PDE1C: variants seen among roughly 807,000 people sequenced by gnomAD.
PDE1C encodes the protein phosphodiesterase 1C.
In PDE1C, 62 loss-of-function variants were observed where a neutral mutation model predicts 93.1. That is an observed-to-expected ratio of 0.67 (90% confidence interval 0.54 to 0.82). The LOEUF (loss-of-function observed/expected upper bound fraction) is 0.82, where lower values mean the gene tolerates loss of function less well. Among genes scored for constraint, PDE1C ranks in the 40% least tolerant of loss-of-function variants. The pLI, the probability that PDE1C is intolerant of heterozygous loss-of-function variation, is 0.00. For missense variants in PDE1C, 742 were observed against 884.6 expected (o/e 0.84, Z 2.04); for synonymous variants, 325 against 310.1 (o/e 1.05, Z -0.50).
At chr7:32,382,672 C>T (rs1745969678) in intron 1 of PDE1C, among the ~76,000 whole-genome samples, 1 of 152,224 alleles carries the variant, frequency 6.6e-6, no homozygotes, top group African/African-American at 2.4e-5. Context: ...GTTCACTACC[C>T]GTTCCTAAGT....
At chr7:32,229,324 GCACAA>G (rs1399955370) in intron 1 of PDE1C, among the ~76,000 whole-genome samples, 1 of 152,176 alleles carries the variant, frequency 6.6e-6, no homozygotes, top group East Asian at 1.9e-4. Context: ...GTTGTGCACT[GCACAA>G]GTCTAGGGAG....
At chr7:31,694,368 G>GCTCT in the PDE1C span, among the ~76,000 whole-genome samples, 1 of 119,482 alleles carries the variant, frequency 8.4e-6, no homozygotes, top group South Asian at 2.7e-4. Context: ...AACAATTTTA[G>GCTCT]CTCTCTCTCT....
intron 1 of PDE1C, among the ~76,000 whole-genome samples, chr7:32,407,396 T>C (rs185020173): frequency 9.2e-5 from 14 of 152,262 alleles, no homozygotes; most frequent in African/African-American, 3.4e-4. Context: ...AAACACTGCA[T>C]GGGAGATAAC....
At chr7:31,709,353 G>A in the PDE1C span, among the ~76,000 whole-genome samples, 1 of 152,170 alleles carries the variant, frequency 6.6e-6, no homozygotes, top group Non-Finnish European at 1.5e-5. Context: ...TTCTTACTTT[G>A]CCTTGTTCAT....
the PDE1C span, among the ~76,000 whole-genome samples, chr7:31,641,747 T>C: frequency 2.1e-4 from 32 of 152,290 alleles, 1 homozygote; most frequent in Admixed American, 1.8e-3. Context: ...TAGCAAAGGG[T>C]ACTTATCCAA....
At chr7:31,698,307 T>C in the PDE1C span, among the ~76,000 whole-genome samples, 1 of 152,206 alleles carries the variant, frequency 6.6e-6, no homozygotes, top group South Asian at 2.1e-4. Context: ...CTATGCTCCA[T>C]GGGATTTGTG....
intron 2 of PDE1C, among the ~76,000 whole-genome samples, chr7:31,885,568 T>C (rs1188184924): frequency 6.6e-6 from 1 of 152,234 alleles, no homozygotes; most frequent in Non-Finnish European, 1.5e-5. Flanking sequence ...GAGCCCTGGA[T>C]GCTGACTTCC....
intron 2 of PDE1C, among the ~76,000 whole-genome samples, chr7:32,040,427 T>TA (rs1791662950): frequency 6.6e-6 from 1 of 152,198 alleles, no homozygotes; most frequent in Admixed American, 6.5e-5. Flanking sequence ...TTGATACCAG[T>TA]AATATACCCC....
chr7:32,063,994 T>C (rs1795097379), intron 1 of PDE1C, among the ~76,000 whole-genome samples: 5 of 152,178 alleles, frequency 3.3e-5, no homozygotes, highest in Admixed American at 3.3e-4. Flanking sequence ...CCAATAAAAA[T>C]ATGCTGAACG....
chr7:31,931,123 C>T (rs1804185379), intron 2 of PDE1C, among the ~76,000 whole-genome samples: 1 of 152,048 alleles, frequency 6.6e-6, no homozygotes, highest in African/African-American at 2.4e-5. Flanking sequence ...AAAGCCATAG[C>T]CGATATCATA....
chr7:31,921,740 A>G (rs1302027982), intron 2 of PDE1C, among the ~76,000 whole-genome samples: 1 of 152,250 alleles, frequency 6.6e-6, no homozygotes, highest in Non-Finnish European at 1.5e-5. Context: ...AGGCATAACC[A>G]GATATCTATT....
intron 2 of PDE1C, among the ~76,000 whole-genome samples, chr7:32,026,408 C>T (rs1045126194): frequency 3.3e-5 from 5 of 152,124 alleles, no homozygotes; most frequent in African/African-American, 7.2e-5. Context: ...GAACATACCT[C>T]GGTCCATTCT....
intron 3 of PDE1C, among the ~76,000 whole-genome samples, chr7:32,115,169 GTTTA>G (rs1043401870): frequency 6.6e-6 from 1 of 152,134 alleles, no homozygotes; most frequent in Non-Finnish European, 1.5e-5. Context: ...GCCCACGTAT[GTTTA>G]TTGCAGCACT....
At chr7:32,157,302 A>T (rs1057105983) in intron 3 of PDE1C, among the ~76,000 whole-genome samples, 1 of 152,334 alleles carries the variant, frequency 6.6e-6, no homozygotes, top group African/African-American at 2.4e-5. Flanking sequence ...TAACAATAAC[A>T]TATTGTATAT....
intron 3 of PDE1C, among the ~76,000 whole-genome samples, chr7:32,160,457 C>T (rs1441073885): frequency 6.6e-6 from 1 of 152,166 alleles, no homozygotes; most frequent in Non-Finnish European, 1.5e-5. Flanking sequence ...CTATAAAGTA[C>T]ATTTTCTGGA....
intron 2 of PDE1C, among the ~76,000 whole-genome samples, chr7:32,207,048 T>C (rs1317898097): frequency 6.6e-6 from 1 of 152,118 alleles, no homozygotes; most frequent in Non-Finnish European, 1.5e-5. Flanking sequence ...CTAACTGAAG[T>C]CAGGTTGATT....
At chr7:31,775,448 G>T (rs1795761324) in intron 17 of PDE1C, among the ~76,000 whole-genome samples, 1 of 152,122 alleles carries the variant, frequency 6.6e-6, no homozygotes, top group South Asian at 2.1e-4. Context: ...CTTTCCATAG[G>T]TGAGGGGGAC....
chr7:31,848,333 T>G lies in PDE1C; in HGVS notation c.852-237A>C, dbSNP rs561906525. Among the ~76,000 whole-genome samples, 9 of 152,284 alleles carry G rather than the reference T, an allele frequency of 5.9e-5. No homozygotes were observed. In the South Asian group the frequency reaches 1.9e-3, roughly 32 times the overall value. On this transcript the variant is annotated intron_variant, in intron 8 of 17. Transcript: ENST00000396191. ...AATATGTGACATCCAGCCTGAGAAC[T>G]CTCTCAAAACTGTTTTACAACCAGA...
At chr7:31,818,683 AT>A in intron 14 of PDE1C, among the ~76,000 whole-genome samples, 2 of 152,218 alleles carry the variant, frequency 1.3e-5, no homozygotes, top group Middle Eastern at 3.4e-3. Context: ...AAAGATGACT[AT>A]TTTTACTACA....
Sources: gnomAD v4.1 joint callset for allele counts (sites outside exome capture counted in the v4.1 genomes callset) on GRCh38, gnomAD v4.1.1 for gene constraint, MANE v1.5 for transcripts, NCBI Gene and HGNC (gene_info 2026-07-23, HGNC 2026-07-21) for gene names.